TLL2: variants seen among roughly 807,000 people sequenced by gnomAD.
TLL2 encodes the protein tolloid-like protein 2.
A neutral mutation model predicts 123.0 loss-of-function variants in TLL2; 106 were observed. The ratio of observed to expected loss-of-function variants is 0.86; its 90% CI spans 0.74 to 1.01. The LOEUF (loss-of-function observed/expected upper bound fraction) is 1.01. TLL2 is among the 50% of genes least tolerant of loss of function. The pLI is 0.00. For synonymous variants in TLL2, 494 were observed against 516.8 expected, an observed-to-expected ratio of 0.96 and a Z score of 0.60; for missense variants, 1,332 against 1,336.7, an observed-to-expected ratio of 1.00 and a Z score of 0.06.
At chr10:96,487,931 C>T (rs372970957) in intron 1 of TLL2, among the ~76,000 whole-genome samples, 18 of 152,310 alleles carry the variant, frequency 1.2e-4, no homozygotes, top group East Asian at 3.9e-4. Context: ...AGTCATCACA[C>T]GGTGCAGTAT....
chr10:96,431,382 C>T (rs1362295645), intron 4 of TLL2, among the ~76,000 whole-genome samples: 2 of 152,148 alleles, frequency 1.3e-5, no homozygotes, highest in East Asian at 3.8e-4. Flanking sequence ...AGGTCTTCAC[C>T]GTTCCCTAAC....
intron 1 of TLL2, among the ~76,000 whole-genome samples, chr10:96,512,753 A>G (rs1847643515): frequency 6.6e-6 from 1 of 152,194 alleles, no homozygotes; most frequent in African/African-American, 2.4e-5. Flanking sequence ...CTAACGCTTC[A>G]ACGACTCCAG....
chr10:96,369,960 T>C, intron 20 of TLL2, 105 bp downstream of exon 20: 1 of 1,449,586 alleles, frequency 6.9e-7, no homozygotes, highest in Non-Finnish European at 9.1e-7. Context: ...CCGTTGCTCC[T>C]AAGTGGAGTA....
At chr10:96,476,240 A>ATATATATATATATT in intron 2 of TLL2, among the ~76,000 whole-genome samples, 2 of 20,498 alleles carry the variant, frequency 9.8e-5, no homozygotes, top group Non-Finnish European at 1.0e-4. Context: ...ATATATATAT[A>ATATATATATATATT]TTTTATTTTT....
At position 96,513,597 on chromosome 10, in the gene TLL2, G is replaced by A. The variant is rs201090456; in HGVS notation, c.89C>T (p.Pro30Leu). The change falls in exon 1 of 21, where the codon CCG (proline) becomes CTG (leucine). Residue 30 changes from proline to leucine, a missense_variant. Coordinates refer to ENST00000357947, the MANE Select transcript of TLL2 (RefSeq NM_012465.4). ...PRGAGGLGER[P>L]DATADYSELD... Reference sequence around the variant, plus strand: ...CTCTGAGTAGTCTGCGGTGGCGTCCGGGCGCTCCCCGAGTCCCCCGGCGCC... The same window carrying A: ...CTCTGAGTAGTCTGCGGTGGCGTCCAGGCGCTCCCCGAGTCCCCCGGCGCC... The A allele has an allele frequency of 3.3e-4, 524 of 1,605,676 alleles. No homozygotes were observed. Among genetic ancestry groups the A allele is most frequent in the Non-Finnish European group, 4.2e-4 (494 of 1,178,996 alleles).
chr10:96,455,224 G>C (rs1322898293), intron 2 of TLL2, among the ~76,000 whole-genome samples: 1 of 151,356 alleles, frequency 6.6e-6, no homozygotes, highest in African/African-American at 2.4e-5. Context: ...GTGAGACTCC[G>C]CCTCAAAAAA....
At chr10:96,372,294 A>T (rs1487033598) in intron 19 of TLL2, among the ~76,000 whole-genome samples, 12 of 152,290 alleles carry the variant, frequency 7.9e-5, no homozygotes, top group Non-Finnish European at 8.8e-5. Flanking sequence ...ATTTTCCGGT[A>T]CTGAAAAAAA....
At chr10:96,404,880 T>C (rs1045069493) in intron 10 of TLL2, among the ~76,000 whole-genome samples, 9 of 152,292 alleles carry the variant, frequency 5.9e-5, no homozygotes, top group Non-Finnish European at 1.2e-4. Context: ...GCTGGGAAGT[T>C]TTCCATTAAA....
chr10:96,476,881 C>CACAG (rs1847261846), intron 2 of TLL2, among the ~76,000 whole-genome samples: 1 of 150,014 alleles, frequency 6.7e-6, no homozygotes, highest in Non-Finnish European at 1.5e-5. Flanking sequence ...CACACACACA[C>CACAG]ACACACACAC....
chr10:96,466,234 G>C (rs903195684), intron 2 of TLL2, among the ~76,000 whole-genome samples: 1 of 152,174 alleles, frequency 6.6e-6, no homozygotes, highest in South Asian at 2.1e-4. Context: ...AGGCCAGCTG[G>C]GCCTTTCCTC....
chr10:96,469,186 G>A lies in TLL2; in HGVS notation c.286+11163C>T, dbSNP rs79606579. Among the ~76,000 whole-genome samples, 692 of 152,300 alleles carry A rather than the reference G, an allele frequency of 4.5e-3. 4 individuals are homozygous for A. The highest frequency in any genetic ancestry group is 0.016 in the African/African-American group (667 of 41,568). On this transcript the variant is annotated intron_variant, in intron 2 of 20. Coordinates refer to ENST00000357947, the MANE Select transcript of TLL2 (RefSeq NM_012465.4). ...CTGTCCTCTGACAGAGGGATTTCAGGGGTTTGGACTCAACACACGAGAGTC... is the reference window on the plus strand; with the variant it reads ...CTGTCCTCTGACAGAGGGATTTCAGAGGTTTGGACTCAACACACGAGAGTC...
At chr10:96,413,079 T>G in intron 8 of TLL2, 113 bp downstream of exon 8, 2 of 1,461,078 alleles carry the variant, frequency 1.4e-6, no homozygotes. Context: ...ACACCAGAAA[T>G]TAAAGCTGCC....
At chr10:96,450,220 G>A (rs1369067147) in intron 2 of TLL2, among the ~76,000 whole-genome samples, 1 of 152,100 alleles carries the variant, frequency 6.6e-6, no homozygotes, top group East Asian at 1.9e-4. Context: ...AGTCACGTAG[G>A]CAGTGTTTAA....
intron 10 of TLL2, among the ~76,000 whole-genome samples, chr10:96,401,780 AGT>A (rs1214708577): frequency 2.0e-5 from 3 of 152,252 alleles, no homozygotes; most frequent in Non-Finnish European, 4.4e-5. Context: ...GGGGAACTTC[AGT>A]AACAGACAGC....
chr10:96,442,904 G>A (rs1028731252), intron 3 of TLL2, among the ~76,000 whole-genome samples: 2 of 152,190 alleles, frequency 1.3e-5, no homozygotes, highest in Admixed American at 6.5e-5. Flanking sequence ...CCTCTTTTAA[G>A]TTCCAGACAC....
intron 4 of TLL2, among the ~76,000 whole-genome samples, chr10:96,429,586 T>C (rs1003252007): frequency 6.6e-6 from 1 of 152,202 alleles, no homozygotes. Context: ...CAAAACCTTA[T>C]CCAGGTTTTT....
At chr10:96,500,515 A>G (rs12769561) in intron 1 of TLL2, among the ~76,000 whole-genome samples, 66,877 of 152,018 alleles carry the variant, frequency 0.44, 14,978 homozygotes, top group Middle Eastern at 0.62. Context: ...AAGCAAAACA[A>G]AAAGATTGAG....
chr10:96,475,874 A>G (rs1847234379), intron 2 of TLL2, among the ~76,000 whole-genome samples: 1 of 152,100 alleles, frequency 6.6e-6, no homozygotes, highest in South Asian at 2.1e-4. Flanking sequence ...TTCTCATGAT[A>G]GTAAGTGGGT....
intron 3 of TLL2, among the ~76,000 whole-genome samples, chr10:96,441,108 G>A (rs1173386958): frequency 2.6e-5 from 4 of 152,182 alleles, no homozygotes; most frequent in South Asian, 2.1e-4. Context: ...AGAGCAAAGC[G>A]GTTGTTGCTT....
Sources: allele counts gnomAD v4.1 joint callset (sites outside exome capture counted in the v4.1 genomes callset), GRCh38; gene constraint gnomAD v4.1.1; transcripts MANE v1.5; gene names NCBI Gene and HGNC (gene_info 2026-07-23, HGNC 2026-07-21).